The following RNF10 variants were observed in gnomAD, a reference collection of about 807,000 sequenced individuals.
RNF10 encodes ring finger protein 10, also known as E3 ubiquitin-protein ligase RNF10.
RNF10 carries 38 observed loss-of-function variants against 91.4 expected under a neutral mutation model. The observed-to-expected ratio is 0.42, with a 90% CI of 0.32 to 0.54. RNF10 has a LOEUF of 0.54. Ranked by LOEUF, RNF10 falls within the 20% of genes least tolerant of loss-of-function variation. The pLI, the probability that RNF10 is intolerant of heterozygous loss-of-function variation, is 0.16. For synonymous variants in RNF10, 364 were observed against 366.3 expected (o/e 0.99, Z 0.07); for missense variants, 945 against 1,012.0 (o/e 0.93, Z 0.90).
In RNF10 at chr12:120,534,606, G is replaced by C. The variant is rs1373014486; in HGVS notation, c.-206G>C. The C allele has an allele frequency of 2.4e-6, 3 of 1,236,338 alleles. No homozygotes were observed. Among genetic ancestry groups the C allele is most frequent in the Middle Eastern group, 2.3e-4 (1 of 4,318 alleles). The allele number at this position is 1,236,338 out of a possible 1,614,324, so 76.6% of individuals were successfully genotyped here. A position where few individuals can be genotyped will look rare whatever the true frequency, so the allele number is the denominator to read the frequency against. On this transcript the variant is annotated 5_prime_UTR_variant, in exon 1 of 17. Coordinates refer to ENST00000325954, the MANE Select transcript of RNF10 (RefSeq NM_014868.5). ...CCCGAGCCCCGGCCTCCTCGTCCTCGGTCGCCGCTGCCGCCGGGCTTAACA... is the reference window on the plus strand; with the variant it reads ...CCCGAGCCCCGGCCTCCTCGTCCTCCGTCGCCGCTGCCGCCGGGCTTAACA...
intron 2 of RNF10, among the ~76,000 whole-genome samples, chr12:120,552,236 A>G (rs1475420198): frequency 6.6e-5 from 10 of 152,060 alleles, no homozygotes; most frequent in African/African-American, 2.2e-4. Context: ...CTCTACTAAA[A>G]ATACAAAAAT....
intron 13 of RNF10, among the ~76,000 whole-genome samples, chr12:120,568,246 A>G (rs1055246550): frequency 2.6e-5 from 4 of 152,178 alleles, no homozygotes; most frequent in African/African-American, 9.7e-5. Flanking sequence ...CCCTCTCAAA[A>G]AAAAAAAGAA....
chr12:120,557,241 G>T, intron 4 of RNF10, 41 bp from the exon 5 acceptor site: 5 of 1,601,584 alleles, frequency 3.1e-6, no homozygotes, highest in Non-Finnish European at 4.3e-6. Flanking sequence ...TCCCTAATCA[G>T]TTCTTCAAGC....
At chr12:120,541,893 G>A (rs1871626237) in intron 1 of RNF10, among the ~76,000 whole-genome samples, 2 of 150,556 alleles carry the variant, frequency 1.3e-5, no homozygotes, top group Admixed American at 1.3e-4. Flanking sequence ...TTGAGATGGA[G>A]TCTCACTGTG....
chr12:120,539,346 C>T, intron 1 of RNF10: 1 of 1,185,474 alleles, frequency 8.4e-7, no homozygotes, highest in Non-Finnish European at 1.1e-6. Flanking sequence ...CCTGATACCA[C>T]CTCTCTCTTC....
At chr12:120,542,156 G>A (rs927214236) in intron 1 of RNF10, among the ~76,000 whole-genome samples, 2 of 151,970 alleles carry the variant, frequency 1.3e-5, no homozygotes, top group African/African-American at 2.4e-5. Flanking sequence ...GTGAGCCACC[G>A]TGCCTGGCCT....
Position 120,577,573 on chromosome 12 carries a change from A to G in RNF10, c.*907A>G, listed in dbSNP as rs192333533. On this transcript the variant is annotated 3_prime_UTR_variant, in exon 17 of 17. Transcript: ENST00000325954. ...ATGCGAAGGCAAATAGTTGCAATAA[A>G]TCACCTGCACAAGCATTGTGAGCTT... 4.8e-4 allele frequency: 87 copies of G among 179,572 alleles called. 1 individual carries two copies. Among genetic ancestry groups the G allele is most frequent in the Admixed American group, 1.9e-3 (35 of 18,148 alleles). 11.1% of individuals were successfully genotyped at this position (179,572 alleles called of 1,614,324 possible).
chr12:120,544,255 G>A (rs1024889850), intron 1 of RNF10, among the ~76,000 whole-genome samples: 1 of 150,818 alleles, frequency 6.6e-6, no homozygotes, highest in African/African-American at 2.4e-5. Flanking sequence ...AGGCATGGTG[G>A]TTCATGCCTT....
chr12:120,542,865 G>C (rs1442548503), intron 1 of RNF10, among the ~76,000 whole-genome samples: 1 of 152,098 alleles, frequency 6.6e-6, no homozygotes, highest in Non-Finnish European at 1.5e-5. Flanking sequence ...TTGTAACTAA[G>C]GTAAGGGTCA....
chr12:120,553,309 C>G (rs1470117411), intron 3 of RNF10, among the ~76,000 whole-genome samples: 1 of 150,648 alleles, frequency 6.6e-6, no homozygotes, highest in Non-Finnish European at 1.5e-5. Context: ...AGGCTGGTCT[C>G]AAACTCCTGA....
At chr12:120,549,904 G>A (rs1872792789) in intron 2 of RNF10, among the ~76,000 whole-genome samples, 1 of 152,156 alleles carries the variant, frequency 6.6e-6, no homozygotes, top group Non-Finnish European at 1.5e-5. Flanking sequence ...GTCCTAGTGG[G>A]GGTAAAGAAT....
intron 3 of RNF10, 80 bp downstream of exon 3, chr12:120,552,778 T>A (rs1873310736): frequency 3.2e-6 from 4 of 1,269,718 alleles, no homozygotes; most frequent in Middle Eastern, 2.7e-4. Flanking sequence ...AGGCTTTTTT[T>A]AAGCTATTGT....
At chr12:120,559,118 T>C (rs1467492661) in intron 6 of RNF10, among the ~76,000 whole-genome samples, 1 of 151,394 alleles carries the variant, frequency 6.6e-6, no homozygotes, top group Non-Finnish European at 1.5e-5. Context: ...TAATTTTTTA[T>C]TTTTATTTTT....
At chr12:120,543,858 A>C (rs1161970368) in intron 1 of RNF10, among the ~76,000 whole-genome samples, 1 of 152,004 alleles carries the variant, frequency 6.6e-6, no homozygotes, top group Admixed American at 6.6e-5. Flanking sequence ...CCTAGCTGGG[A>C]GGCTGAGTTG....
rs765706820 is a variant in RNF10 at position 120,546,468 on chromosome 12, A to C, written c.221A>C (p.Asn74Thr). Residue 74 changes from asparagine to threonine, a missense_variant, in exon 2 of 17, where the codon AAT becomes ACT. By Grantham distance (65) the Asn-to-Thr change is moderately conservative. Coordinates refer to ENST00000325954, the MANE Select transcript of RNF10 (RefSeq NM_014868.5). The part of the protein sequence containing the change: ...NRKRELSYPK[N>T]ESFNNQSRRS... Reference sequence around the variant, plus strand: ...AAACGTGAACTTTCCTACCCCAAAAATGAAAGTTTTAACAACCAGTCCCGT... The same window carrying C: ...AAACGTGAACTTTCCTACCCCAAAACTGAAAGTTTTAACAACCAGTCCCGT... 1 of 1,614,204 alleles carries C rather than the reference A, an allele frequency of 6.2e-7. No homozygotes were observed. The highest frequency in any genetic ancestry group is 8.5e-7 in the Non-Finnish European group (1 of 1,180,022).
At chr12:120,544,332 T>A in intron 1 of RNF10, among the ~76,000 whole-genome samples, 1 of 119,166 alleles carries the variant, frequency 8.4e-6, no homozygotes, top group African/African-American at 3.3e-5. Flanking sequence ...CCAATCAGGG[T>A]AACAAAGTGA....
rs76740462 is a variant in RNF10, at chr12:120,576,570, C to A, written c.2360-20C>A. On this transcript the variant is annotated intron_variant, in intron 16 of 16. Transcript: ENST00000325954. ...GGGATGGCATTTTAAGTTAAGCTGT[C>A]TTTCTGTGTCTCCCTTTAGAAGAGA... 2.6e-4 allele frequency: 420 copies of A among 1,611,442 alleles called. 1 individual carries two copies. Among genetic ancestry groups the A allele is most frequent in the Non-Finnish European group, 3.4e-4 (402 of 1,179,100 alleles).
intron 1 of RNF10, chr12:120,539,288 G>C (rs1475265040): frequency 1.5e-6 from 1 of 669,422 alleles, no homozygotes; most frequent in African/African-American, 1.9e-5. Context: ...AATAAGCTTT[G>C]TATAATCACA....
intron 4 of RNF10, among the ~76,000 whole-genome samples, chr12:120,555,462 G>A (rs908374873): frequency 2.7e-4 from 40 of 146,778 alleles, no homozygotes; most frequent in Non-Finnish European, 4.8e-4. Flanking sequence ...GGTTACAGGC[G>A]TGAGCCACTC....
Sources: gnomAD v4.1 joint callset for allele counts (sites outside exome capture counted in the v4.1 genomes callset) on GRCh38, gnomAD v4.1.1 for gene constraint, MANE v1.5 for transcripts, NCBI Gene and HGNC (gene_info 2026-07-23, HGNC 2026-07-21) for gene names.